MCTP1: variants seen among roughly 807,000 people sequenced by gnomAD.
The protein encoded by MCTP1 is multiple C2 and transmembrane domain-containing protein 1.
MCTP1 carries 69 observed loss-of-function variants against 120.6 expected under a neutral mutation model. The ratio of observed to expected loss-of-function variants is 0.57; its 90% CI spans 0.47 to 0.70. MCTP1 has a LOEUF of 0.70. MCTP1 is among the 30% of genes least tolerant of loss of function. The pLI, the probability that MCTP1 is intolerant of heterozygous loss-of-function variation, is 0.00. For missense variants in MCTP1, 1,203 were observed against 1,248.8 expected, an observed-to-expected ratio of 0.96 and a Z score of 0.55; for synonymous variants, 529 against 493.1, an observed-to-expected ratio of 1.07 and a Z score of -0.96.
chr5:95,252,739 T>C (rs1757497118), intron 1 of MCTP1, among the ~76,000 whole-genome samples: 1 of 152,148 alleles, frequency 6.6e-6, no homozygotes, highest in African/African-American at 2.4e-5. Flanking sequence ...CACTCATTCC[T>C]ATTTTCCCTA....
intron 13 of MCTP1, among the ~76,000 whole-genome samples, chr5:94,872,460 A>G (rs1798003549): frequency 6.6e-6 from 1 of 151,916 alleles, no homozygotes; most frequent in Non-Finnish European, 1.5e-5. Context: ...GCAGTTTTTC[A>G]TATACAAAAA....
At chr5:95,117,483 C>A (rs1250532283) in intron 1 of MCTP1, among the ~76,000 whole-genome samples, 7 of 150,158 alleles carry the variant, frequency 4.7e-5, no homozygotes, top group African/African-American at 1.5e-4. Context: ...TCATGCCAGT[C>A]AGAATGGTGA....
At chr5:94,994,934 C>T (rs1832318669) in intron 2 of MCTP1, among the ~76,000 whole-genome samples, 1 of 152,206 alleles carries the variant, frequency 6.6e-6, no homozygotes, top group South Asian at 2.1e-4. Flanking sequence ...CTTGGATCTA[C>T]ACCAGTGTTT....
At chr5:95,205,461 C>T (rs887018902) in intron 1 of MCTP1, among the ~76,000 whole-genome samples, 2 of 152,004 alleles carry the variant, frequency 1.3e-5, no homozygotes, top group Non-Finnish European at 2.9e-5. Context: ...ACAAAAAGCA[C>T]AGCAAGAAAA....
At chr5:94,803,414 G>A (rs181482208) in intron 17 of MCTP1, among the ~76,000 whole-genome samples, 3 of 152,300 alleles carry the variant, frequency 2.0e-5, no homozygotes, top group African/African-American at 7.2e-5. Context: ...AAAGAGAACG[G>A]TGTTTGAATC....
intron 2 of MCTP1, among the ~76,000 whole-genome samples, chr5:95,005,804 C>A (rs1452742599): frequency 1.3e-5 from 2 of 150,198 alleles, no homozygotes; most frequent in African/African-American, 4.9e-5. Context: ...TCAGGTAGTT[C>A]TTTATAGCAG....
intron 19 of MCTP1, among the ~76,000 whole-genome samples, chr5:94,718,604 T>C (rs1332764700): frequency 6.6e-6 from 1 of 152,110 alleles, no homozygotes; most frequent in East Asian, 1.9e-4. Context: ...AGAAAATTTT[T>C]TCAATCACTC....
intron 19 of MCTP1, among the ~76,000 whole-genome samples, chr5:94,750,534 C>T (rs1436727001): frequency 2.0e-5 from 3 of 152,170 alleles, no homozygotes; most frequent in Non-Finnish European, 2.9e-5. Context: ...CAGAAATGGT[C>T]TATGTCTCTT....
chr5:94,909,216 C>G (rs1377422725), intron 10 of MCTP1, 35 bp downstream of exon 10: 13 of 1,608,762 alleles, frequency 8.1e-6, no homozygotes, highest in Non-Finnish European at 1.1e-5. Flanking sequence ...TAAAAATGCT[C>G]TAGGAGTGAA....
intron 17 of MCTP1, among the ~76,000 whole-genome samples, chr5:94,861,225 A>C (rs932765608): frequency 6.6e-6 from 1 of 151,834 alleles, no homozygotes; most frequent in Non-Finnish European, 1.5e-5. Flanking sequence ...TGTCTATCCC[A>C]ATTCTCACTA....
At position 94,779,155 on chromosome 5, in the gene MCTP1, C is replaced by G; in HGVS notation, c.2565G>C (p.Glu855Asp). Residue 855 changes from glutamate (E) to aspartate (D), a missense_variant, in exon 19 of 23, where the codon GAG becomes GAC. This residue lies in a region of MCTP1 where 740 missense variants were observed against 871.1 expected (regional missense o/e 0.85). Transcript: ENST00000515393. ...CTTCTTCCTCGTCCTCTAGCATGTC[C>G]TCCACTACCTGCAGAGAGAAACAGA... ...KDNRQRDTVV[E>D]DMLEDEEEED... 2 of 1,613,552 alleles carry G rather than the reference C, an allele frequency of 1.2e-6. No homozygotes were observed.
At chr5:95,141,176 C>A (rs569810939) in intron 1 of MCTP1, among the ~76,000 whole-genome samples, 43 of 152,270 alleles carry the variant, frequency 2.8e-4, no homozygotes, top group African/African-American at 1.0e-3. Flanking sequence ...GAGTAAGATA[C>A]ATAACTTTTG....
chr5:94,726,364 G>C (rs1012241555), intron 19 of MCTP1, among the ~76,000 whole-genome samples: 4 of 152,172 alleles, frequency 2.6e-5, no homozygotes, highest in African/African-American at 7.2e-5. Context: ...ATCTGTTAAT[G>C]CTTATTCAGT....
intron 5 of MCTP1, among the ~76,000 whole-genome samples, chr5:94,937,546 C>G (rs1816490075): frequency 6.6e-6 from 1 of 151,978 alleles, no homozygotes; most frequent in Admixed American, 6.6e-5. Context: ...ATGATCAGCT[C>G]CCAGGCACTG....
intron 19 of MCTP1, among the ~76,000 whole-genome samples, chr5:94,738,083 A>G (rs1217343294): frequency 6.6e-6 from 1 of 152,262 alleles, no homozygotes; most frequent in South Asian, 2.1e-4. Flanking sequence ...CACTTGTGGC[A>G]AACTGCAGGT....
At chr5:95,091,884 T>TC (rs1755870310) in intron 1 of MCTP1, among the ~76,000 whole-genome samples, 1 of 152,180 alleles carries the variant, frequency 6.6e-6, no homozygotes, top group African/African-American at 2.4e-5. Flanking sequence ...GAAATATATG[T>TC]CATTAAGACT....
intron 1 of MCTP1, among the ~76,000 whole-genome samples, chr5:95,044,733 A>C (rs1485022794): frequency 1.3e-5 from 2 of 151,174 alleles, no homozygotes; most frequent in African/African-American, 2.4e-5. Context: ...CAACCTTCTC[A>C]TGAGACCCAT....
At chr5:95,149,369 G>A (rs922940494) in intron 1 of MCTP1, among the ~76,000 whole-genome samples, 2 of 152,278 alleles carry the variant, frequency 1.3e-5, no homozygotes, top group Non-Finnish European at 2.9e-5. Context: ...AAGGTGGCGA[G>A]TCTTGCCTGC....
intron 1 of MCTP1, among the ~76,000 whole-genome samples, chr5:95,033,562 T>C (rs1361852753): frequency 3.3e-5 from 5 of 152,064 alleles, no homozygotes; most frequent in African/African-American, 9.7e-5. Flanking sequence ...AAACCAGGCA[T>C]TGAGGAAACA....
Sources: allele counts gnomAD v4.1 joint callset (sites outside exome capture counted in the v4.1 genomes callset), GRCh38; gene constraint gnomAD v4.1.1; regional missense constraint gnomAD v4.1.1; transcripts MANE v1.5; gene names NCBI Gene and HGNC (gene_info 2026-07-23, HGNC 2026-07-21).